HECW2: variants seen among roughly 807,000 people sequenced by gnomAD.
HECW2 encodes E3 ubiquitin-protein ligase HECW2.
In HECW2, 61 loss-of-function variants were observed where a neutral mutation model predicts 175.2. That is an observed-to-expected ratio of 0.35 (90% CI 0.28 to 0.43). HECW2 has a LOEUF of 0.43. Among genes scored for constraint, HECW2 ranks in the 20% least tolerant of loss-of-function variants. HECW2 has a pLI of 1.00. For synonymous variants in HECW2, 671 were observed against 731.0 expected, an observed-to-expected ratio of 0.92 and a Z score of 1.32; for missense variants, 1,524 against 2,000.5, an observed-to-expected ratio of 0.76 and a Z score of 4.54.
rs34752264 is a variant in HECW2 at position 196,458,436 on chromosome 2, T to TCACA, written c.-35-24982_-35-24979dup. Among the ~76,000 whole-genome samples the TCACA allele has an allele frequency of 4.7e-3, 684 of 146,584 alleles. 5 individuals are homozygous for TCACA. Among genetic ancestry groups the TCACA allele is most frequent in the South Asian group, 0.017 (80 of 4,582 alleles). On this transcript the variant is annotated intron_variant, in intron 1 of 28. Transcript: ENST00000644978. ...GTTTCTCTCTCTCCCTCTCACTCAC[T>TCACA]CACACACACACACACACACACACAT... is the stretch of plus-strand genomic sequence containing the variant.
intron 17 of HECW2, among the ~76,000 whole-genome samples, chr2:196,269,932 G>A (rs992900155): frequency 6.6e-6 from 1 of 152,200 alleles, no homozygotes; most frequent in Non-Finnish European, 1.5e-5. Context: ...GGTAGGGCAT[G>A]GGAGAACAGG....
chr2:196,456,947 A>G (rs1696536150), intron 1 of HECW2, among the ~76,000 whole-genome samples: 1 of 152,210 alleles, frequency 6.6e-6, no homozygotes, highest in Non-Finnish European at 1.5e-5. Context: ...CATTTGGAAG[A>G]GCCAAAAGAC....
At chr2:196,209,391 G>A (rs936702076) in intron 28 of HECW2, among the ~76,000 whole-genome samples, 1 of 152,102 alleles carries the variant, frequency 6.6e-6, no homozygotes, top group Non-Finnish European at 1.5e-5. Flanking sequence ...AATCCAAAAG[G>A]TATATGACAT....
chr2:196,339,466 A>G (rs893421710), intron 3 of HECW2, among the ~76,000 whole-genome samples: 1 of 152,244 alleles, frequency 6.6e-6, no homozygotes, highest in East Asian at 1.9e-4. Context: ...TCACATATCA[A>G]TTCAGTACAT....
At chr2:196,280,097 T>C (rs1173418096) in intron 14 of HECW2, among the ~76,000 whole-genome samples, 2 of 152,238 alleles carry the variant, frequency 1.3e-5, no homozygotes, top group Admixed American at 6.5e-5. Context: ...AAACCCATTA[T>C]CTTAAGTACA....
At chr2:196,413,458 G>A (rs975763340) in intron 2 of HECW2, among the ~76,000 whole-genome samples, 18 of 151,868 alleles carry the variant, frequency 1.2e-4, no homozygotes, top group African/African-American at 4.4e-4. Context: ...CAATTCTCCC[G>A]CCTCAGCCTC....
At chr2:196,446,445 G>A (rs1412220327) in intron 1 of HECW2, among the ~76,000 whole-genome samples, 1 of 152,056 alleles carries the variant, frequency 6.6e-6, no homozygotes, top group East Asian at 1.9e-4. Context: ...CCTCCCCCTA[G>A]AATGTATGCT....
At chr2:196,577,880 A>C (rs1690617583) in intron 1 of HECW2, among the ~76,000 whole-genome samples, 1 of 152,136 alleles carries the variant, frequency 6.6e-6, no homozygotes, top group Non-Finnish European at 1.5e-5. Context: ...AACAACAACA[A>C]CGAGCAACAA....
rs560518533 is a variant in HECW2, at chr2:196,573,032, C to G, written c.-36+20476G>C. On this transcript the variant is annotated intron_variant, in intron 1 of 28. Coordinates refer to ENST00000644978, the MANE Select transcript of HECW2 (RefSeq NM_001348768.2). The stretch of plus-strand genomic sequence containing the variant: ...ACATGGACTTTTCTTTAAGTATGTA[C>G]CTATGGGAGAAGAGGGGTGGAAAAA... Among the ~76,000 whole-genome samples, 3 of 152,080 alleles carry G rather than the reference C, an allele frequency of 2.0e-5. No individual in the cohort carries two copies. In the South Asian group the frequency reaches 6.2e-4, roughly 32 times the overall value.
At chr2:196,228,428 A>T (rs1473718272) in intron 21 of HECW2, among the ~76,000 whole-genome samples, 174 bp from the exon 22 acceptor site, 1 of 152,196 alleles carries the variant, frequency 6.6e-6, no homozygotes, top group Non-Finnish European at 1.5e-5. Flanking sequence ...TTGTGTCTTG[A>T]CCCAGATTAG....
chr2:196,324,289 A>T (rs1692066315), intron 6 of HECW2, among the ~76,000 whole-genome samples: 1 of 152,164 alleles, frequency 6.6e-6, no homozygotes, highest in Admixed American at 6.5e-5. Context: ...CTAGATAAGA[A>T]GTGTCTATTT....
intron 21 of HECW2, among the ~76,000 whole-genome samples, chr2:196,233,936 T>G (rs1212930885): frequency 6.6e-6 from 1 of 152,180 alleles, no homozygotes; most frequent in African/African-American, 2.4e-5. Context: ...TCCTCCCTAG[T>G]TGCTTTCATT....
At chr2:196,453,819 G>C (rs6718934) in intron 1 of HECW2, among the ~76,000 whole-genome samples, 6 of 152,040 alleles carry the variant, frequency 3.9e-5, no homozygotes, top group African/African-American at 1.2e-4. Flanking sequence ...CGGGGATAGA[G>C]AATCAATATA....
intron 1 of HECW2, among the ~76,000 whole-genome samples, chr2:196,549,079 A>G (rs1030744226): frequency 1.3e-5 from 2 of 152,218 alleles, no homozygotes; most frequent in African/African-American, 4.8e-5. Flanking sequence ...GAAACCCTTT[A>G]CATCTCAGAC....
chr2:196,311,567 C>T (rs945713364), intron 10 of HECW2, among the ~76,000 whole-genome samples: 1 of 152,052 alleles, frequency 6.6e-6, no homozygotes, highest in Non-Finnish European at 1.5e-5. Context: ...GAGGGCAAGG[C>T]GGGCAGATCA....
In HECW2 at chr2:196,201,082, C is replaced by G; in HGVS notation, c.*195G>C. On this transcript the variant is annotated 3_prime_UTR_variant, in exon 29 of 29. Transcript: ENST00000644978. Reference sequence around the variant, plus strand: ...GACGGTTGGGTTGTTCCCTGGGCATCAAGCTCACCCAAATCCTTCCAAGAG... The same window carrying G: ...GACGGTTGGGTTGTTCCCTGGGCATGAAGCTCACCCAAATCCTTCCAAGAG... 1 of 535,134 alleles carries G rather than the reference C, an allele frequency of 1.9e-6. No homozygotes were observed. The allele number at this position is 535,134 out of a possible 1,614,324, so 33.1% of individuals were successfully genotyped here. A position where few individuals can be genotyped will look rare whatever the true frequency, so the allele number is the denominator to read the frequency against.
At chr2:196,358,534 C>T (rs1190267560) in intron 2 of HECW2, among the ~76,000 whole-genome samples, 6 of 119,850 alleles carry the variant, frequency 5.0e-5, no homozygotes, top group South Asian at 5.6e-4. Flanking sequence ...TGCAGTGAGC[C>T]GAGATCGCGC....
intron 1 of HECW2, among the ~76,000 whole-genome samples, chr2:196,509,854 G>T (rs1687885695): frequency 6.6e-6 from 1 of 152,180 alleles, no homozygotes; most frequent in Non-Finnish European, 1.5e-5. Flanking sequence ...AAGCAGGAGT[G>T]GTCTTGGCAA....
In HECW2 at chr2:196,220,035, T is replaced by C; in HGVS notation, c.4408+4A>G. 1 of 1,566,828 alleles carries C rather than the reference T, an allele frequency of 6.4e-7. No homozygotes were observed. Among genetic ancestry groups the C allele is most frequent in the Non-Finnish European group, 8.8e-7 (1 of 1,137,466 alleles). ...AATCTAGCCATCTATAAATCAAATT[T>C]CACCTCCTCTATATTCTGTGTTGTT... On this transcript the variant is annotated splice_donor_region_variant and intron_variant, in intron 26 of 28. Coordinates refer to ENST00000644978, the MANE Select transcript of HECW2 (RefSeq NM_001348768.2).
Sources: allele counts gnomAD v4.1 joint callset (sites outside exome capture counted in the v4.1 genomes callset), GRCh38; gene constraint gnomAD v4.1.1; transcripts MANE v1.5; gene names NCBI Gene and HGNC (gene_info 2026-07-23, HGNC 2026-07-21).